Variants in TMEM8B observed in about 807,000 individuals in gnomAD.
The protein encoded by TMEM8B is transmembrane protein 8B.
A neutral mutation model predicts 49.3 loss-of-function variants in TMEM8B; 29 were observed. The observed-to-expected ratio is 0.59, with a 90% confidence interval of 0.44 to 0.80. The LOEUF is 0.80. Among genes scored for constraint, TMEM8B ranks in the 30% least tolerant of loss-of-function variants. The probability of loss-of-function intolerance (pLI) is 0.00; values close to 1 mark genes in which losing one functional copy is unlikely to be tolerated. For missense variants in TMEM8B, 575 were observed against 658.5 expected (o/e 0.87, Z 1.39); for synonymous variants, 264 against 272.8 (o/e 0.97, Z 0.32).
rs1564057218 is a variant in TMEM8B at position 35,862,876 on chromosome 9, C to T, written c.*9036C>T. ...TATCTCTCTCTGACTAGACTATGAG[C>T]TATTGCAGTGAAAGGGCTGTGTCCT... On this transcript the variant is annotated 3_prime_UTR_variant, in exon 13 of 13. Transcript: ENST00000643932. 1 of 152,232 alleles carries T rather than the reference C, an allele frequency of 6.6e-6. No homozygotes were observed. Among genetic ancestry groups the T allele is most frequent in the African/African-American group, 2.4e-5 (1 of 41,454 alleles). The allele number at this position is 152,232 out of a possible 1,614,324, so 9.4% of individuals were successfully genotyped here.
rs761386801 is a variant in TMEM8B at position 35,842,406 on chromosome 9, G to A, written c.1324G>A (p.Gly442Ser). 5 of 1,532,344 alleles carry A rather than the reference G, an allele frequency of 3.3e-6. No individual in the cohort carries two copies. Among genetic ancestry groups the A allele is most frequent in the Admixed American group, 4.1e-5 (2 of 49,220 alleles). The allele number at this position is 1,532,344 out of a possible 1,614,324, so 94.9% of individuals were successfully genotyped here. ...CVRLQECPQP[G>S]LLRALVPGAA... ...CTGCCCCACAGAGTGCCCACAGCCC[G>A]GCCTGCTCCGAGCCCTGGTCCCTGG... is the stretch of plus-strand genomic sequence containing the variant. The change falls in exon 6 of 13, where the codon GGC becomes AGC. Residue 442 changes from glycine (G) to serine (S), a missense_variant. Coordinates refer to ENST00000643932, the MANE Select transcript of TMEM8B (RefSeq NM_001042590.4). This position sits in a 1 kb window ranked among gnomAD's most constrained non-coding sequence, Gnocchi z 5.6.
At chr9:35,830,316 A>C (rs1829740995) in intron 1 of TMEM8B, among the ~76,000 whole-genome samples, 1 of 152,314 alleles carries the variant, frequency 6.6e-6, no homozygotes, top group Admixed American at 6.5e-5. Flanking sequence ...CCCCTAGTGT[A>C]GTGTGGGAAT....
In TMEM8B at chr9:35,842,928, A is replaced by G. The variant is rs1431203789; in HGVS notation, c.1635+211A>G. 6.6e-6 allele frequency among the ~76,000 whole-genome samples: 1 copy of G among 152,162 alleles called. No individual in the cohort carries two copies. Among genetic ancestry groups the G allele is most frequent in the Non-Finnish European group, 1.5e-5 (1 of 68,020 alleles). ...ACAGATGGGCGGGTCAACCAGGTCA[A>G]CTCAGTGTCTGGGGTTTCCCAGTTT... On this transcript the variant is annotated intron_variant, in intron 6 of 12. Coordinates refer to ENST00000643932, the MANE Select transcript of TMEM8B (RefSeq NM_001042590.4). The surrounding 1 kb of genome is among the most constrained non-coding windows in gnomAD (Gnocchi z 5.6).
Position 35,860,061 on chromosome 9 carries a change from T to C in TMEM8B, c.*6221T>C, listed in dbSNP as rs1703903976. On this transcript the variant is annotated 3_prime_UTR_variant, in exon 13 of 13. Transcript: ENST00000643932. ...CTGGCCTGGGAGCCCAGTGACCTGA[T>C]GTCTGAGCTGCAGCAGGTCAGCCTC... 1 of 152,262 alleles carries C rather than the reference T, an allele frequency of 6.6e-6. No homozygotes were observed. The highest frequency in any genetic ancestry group is 2.4e-5 in the African/African-American group (1 of 41,464). 9.4% of individuals were successfully genotyped at this position (152,262 alleles called of 1,614,324 possible).
chr9:35,857,104 T>G lies in TMEM8B; in HGVS notation c.*3264T>G, dbSNP rs771296358. ...GTACATACGACTGGACTGAGACCCC[T>G]GAGCACTTGCAGCTGCCTGGGGCAT... On this transcript the variant is annotated 3_prime_UTR_variant, in exon 13 of 13. Coordinates refer to ENST00000643932, the MANE Select transcript of TMEM8B (RefSeq NM_001042590.4). 6.6e-6 allele frequency: 1 copy of G among 152,268 alleles called. No homozygotes were observed. The highest frequency in any genetic ancestry group is 1.5e-5 in the Non-Finnish European group (1 of 68,072). The allele number at this position is 152,268 out of a possible 1,614,324, so 9.4% of individuals were successfully genotyped here.
intron 6 of TMEM8B, among the ~76,000 whole-genome samples, chr9:35,844,510 C>T (rs909740379): frequency 9.9e-5 from 15 of 152,260 alleles, no homozygotes; most frequent in Non-Finnish European, 2.1e-4. Flanking sequence ...TTATGGGACA[C>T]GGCTTAGAAC....
chr9:35,844,340 A>G (rs775152929), intron 6 of TMEM8B, among the ~76,000 whole-genome samples: 1 of 152,250 alleles, frequency 6.6e-6, no homozygotes, highest in African/African-American at 2.4e-5. Flanking sequence ...TAAGACTGAG[A>G]TGAGGGCGGA....
chr9:35,847,897 C>G (rs904868063), intron 10 of TMEM8B, among the ~76,000 whole-genome samples: 22 of 152,106 alleles, frequency 1.4e-4, no homozygotes, highest in African/African-American at 5.1e-4. Flanking sequence ...GACTTTTTAC[C>G]CCTGAAGTGT....
At position 35,857,848 on chromosome 9, in the gene TMEM8B, G is replaced by A. The variant is rs1227764981; in HGVS notation, c.*4008G>A. ...AAAGAAGGCTGAGTGTGAAGTGAGG[G>A]GCAGTAAGGGCACACTAGAATCCAG... On this transcript the variant is annotated 3_prime_UTR_variant, in exon 13 of 13. Transcript: ENST00000643932. 2.0e-5 allele frequency: 3 copies of A among 152,178 alleles called. No homozygotes were observed. The highest frequency in any genetic ancestry group is 7.2e-5 in the African/African-American group (3 of 41,416). The allele number at this position is 152,178 out of a possible 1,614,324, so 9.4% of individuals were successfully genotyped here. A position where few individuals can be genotyped will look rare whatever the true frequency, so the allele number is the denominator to read the frequency against.
In TMEM8B at chr9:35,862,128, C is replaced by A. The variant is rs1832664282; in HGVS notation, c.*8288C>A. 2.0e-5 allele frequency: 3 copies of A among 152,178 alleles called. No individual in the cohort carries two copies. In the South Asian group the frequency reaches 6.2e-4, roughly 31 times the overall value. The allele number at this position is 152,178 out of a possible 1,614,324, so 9.4% of individuals were successfully genotyped here. ...TATTCAACAAATAGTTATTGAGCAC[C>A]TACTATGTGTTAGGCCCTGGGCCAG... is the stretch of plus-strand genomic sequence containing the variant. On this transcript the variant is annotated 3_prime_UTR_variant, in exon 13 of 13. Transcript: ENST00000643932.
rs1832306170 is a variant in TMEM8B at position 35,853,137 on chromosome 9, C to G, written c.2323-4C>G. On this transcript the variant is annotated splice_polypyrimidine_tract_variant and splice_region_variant and intron_variant, in intron 11 of 12. Coordinates refer to ENST00000643932, the MANE Select transcript of TMEM8B (RefSeq NM_001042590.4). This position sits in a 1 kb window ranked among gnomAD's most constrained non-coding sequence, Gnocchi z 4.2. ...TAGCCCAGCCCTTGAGTCTCTTTCT[C>G]TAGGTGCTGTATTTGCTGGGAGCTA... 1 of 1,613,728 alleles carries G rather than the reference C, an allele frequency of 6.2e-7. No individual in the cohort carries two copies. Among genetic ancestry groups the G allele is most frequent in the Non-Finnish European group, 8.5e-7 (1 of 1,179,628 alleles).
intron 10 of TMEM8B, 115 bp from the exon 11 acceptor site, chr9:35,852,712 C>A: frequency 1.6e-6 from 2 of 1,227,742 alleles, no homozygotes; most frequent in Non-Finnish European, 2.3e-6. Flanking sequence ...TCATCTGTGA[C>A]CTTTCACCTC....
Position 35,854,079 on chromosome 9 carries a change from A to T in TMEM8B, c.*239A>T. On this transcript the variant is annotated 3_prime_UTR_variant, in exon 13 of 13. Transcript: ENST00000643932. The stretch of plus-strand genomic sequence containing the variant: ...TAAGGACTGGAGCCTATGCAGGCAC[A>T]GAGTCCCTCAGGACCAAGGAGTCCC... The T allele has an allele frequency of 1.6e-6, 2 of 1,230,356 alleles. No individual in the cohort carries two copies. The highest frequency in any genetic ancestry group is 2.0e-6 in the Non-Finnish European group (2 of 979,448). The allele number at this position is 1,230,356 out of a possible 1,614,324, so 76.2% of individuals were successfully genotyped here. A position where few individuals can be genotyped will look rare whatever the true frequency, so the allele number is the denominator to read the frequency against.
intron 10 of TMEM8B, among the ~76,000 whole-genome samples, chr9:35,851,887 G>C (rs558116078): frequency 6.6e-6 from 1 of 152,332 alleles, no homozygotes; most frequent in East Asian, 1.9e-4. Flanking sequence ...GGAAACATTA[G>C]CGATTTCTTT....
At chr9:35,852,665 C>G (rs768593392) in intron 10 of TMEM8B, among the ~76,000 whole-genome samples, 162 bp from the exon 11 acceptor site, 16 of 152,120 alleles carry the variant, frequency 1.1e-4, no homozygotes, top group Non-Finnish European at 2.2e-4. Context: ...CCACATTCTT[C>G]TCAGGATTTG....
chr9:35,838,763 T>C (rs571080379), intron 3 of TMEM8B, among the ~76,000 whole-genome samples: 1 of 152,350 alleles, frequency 6.6e-6, no homozygotes, highest in African/African-American at 2.4e-5. Context: ...CCTCAGGAAA[T>C]TGTACTGTCA....
At chr9:35,843,334 T>C (rs1158417909) in intron 6 of TMEM8B, among the ~76,000 whole-genome samples, 1 of 152,238 alleles carries the variant, frequency 6.6e-6, no homozygotes, top group African/African-American at 2.4e-5. Context: ...TAGTATGATA[T>C]ATTTATTACA....
chr9:35,839,741 G>A (rs564585207), intron 3 of TMEM8B, among the ~76,000 whole-genome samples: 1 of 152,256 alleles, frequency 6.6e-6, no homozygotes, highest in East Asian at 1.9e-4. Context: ...AGGAGGTGGG[G>A]TCAGTGCAGT....
At position 35,846,083 on chromosome 9, in the gene TMEM8B, G is replaced by A. The variant is rs764621383; in HGVS notation, c.1729+15G>A. 3.1e-6 allele frequency: 5 copies of A among 1,613,692 alleles called. No individual in the cohort carries two copies. The highest frequency in any genetic ancestry group is 3.4e-6 in the Non-Finnish European group (4 of 1,179,924). ...CTGTTCCAAAGGTGAGGTGAGGAAT[G>A]GGGGAGGAGAGGAAGCTGCAGTGTG... On this transcript the variant is annotated intron_variant, in intron 7 of 12. Transcript: ENST00000643932.
Sources: gnomAD v4.1 joint callset for allele counts (sites outside exome capture counted in the v4.1 genomes callset) on GRCh38, gnomAD v4.1.1 for gene constraint, Gnocchi (gnomAD v3.1) non-coding constraint, MANE v1.5 for transcripts, NCBI Gene and HGNC (gene_info 2026-07-23, HGNC 2026-07-21) for gene names.